Variants in AUTS2 observed in about 807,000 individuals in gnomAD.
AUTS2 encodes autism susceptibility gene 2 protein.
AUTS2 carries 17 observed loss-of-function variants against 112.4 expected under a neutral mutation model. That is an observed-to-expected ratio of 0.15 (90% CI 0.10 to 0.23). The LOEUF (loss-of-function observed/expected upper bound fraction) is 0.23, where lower values mean the gene tolerates loss of function less well. AUTS2 is among the 10% of genes least tolerant of loss of function. The pLI is 1.00. For missense variants in AUTS2, 1,510 were observed against 1,701.6 expected (o/e 0.89, Z 1.98); for synonymous variants, 751 against 702.7 (o/e 1.07, Z -1.09).
At chr7:69,634,264 C>G (rs1199423306) in intron 1 of AUTS2, among the ~76,000 whole-genome samples, 1 of 151,734 alleles carries the variant, frequency 6.6e-6, no homozygotes. Context: ...GGACTACAGG[C>G]GCCCGCCATC....
At chr7:70,650,471 C>G (rs993832470) in intron 5 of AUTS2, among the ~76,000 whole-genome samples, 5 of 152,232 alleles carry the variant, frequency 3.3e-5, no homozygotes, top group African/African-American at 1.2e-4. Flanking sequence ...ACTTAGGAAT[C>G]AGGCATGTGG....
At chr7:69,848,821 C>T (rs565235180) in intron 1 of AUTS2, among the ~76,000 whole-genome samples, 1 of 152,182 alleles carries the variant, frequency 6.6e-6, no homozygotes, top group East Asian at 1.9e-4. Flanking sequence ...TTGAGTTAGC[C>T]TACTTTATTT....
At chr7:69,696,776 T>C (rs576925356) in intron 1 of AUTS2, among the ~76,000 whole-genome samples, 1 of 152,360 alleles carries the variant, frequency 6.6e-6, no homozygotes, top group South Asian at 2.1e-4. Context: ...TTTTTTCTAG[T>C]GTCTCAGCTG....
At chr7:70,093,073 A>G (rs2129568007) in intron 2 of AUTS2, among the ~76,000 whole-genome samples, 2 of 152,288 alleles carry the variant, frequency 1.3e-5, no homozygotes, top group East Asian at 3.9e-4. Flanking sequence ...TTGTCCCTGG[A>G]GAAACAGGCA....
chr7:70,453,927 C>T (rs895410362), intron 5 of AUTS2, among the ~76,000 whole-genome samples: 3 of 152,168 alleles, frequency 2.0e-5, no homozygotes, highest in Non-Finnish European at 4.4e-5. Context: ...AGGAGACAGG[C>T]GGTCATGTGT....
At chr7:70,407,880 C>G (rs1320182358) in intron 4 of AUTS2, among the ~76,000 whole-genome samples, 1 of 151,910 alleles carries the variant, frequency 6.6e-6, no homozygotes, top group Non-Finnish European at 1.5e-5. Context: ...CGGTGAAACC[C>G]CGTCTCTACT....
intron 5 of AUTS2, among the ~76,000 whole-genome samples, chr7:70,660,497 C>G (rs1465197093): frequency 6.6e-6 from 1 of 152,176 alleles, no homozygotes; most frequent in Non-Finnish European, 1.5e-5. Context: ...ACAACAGATA[C>G]GTATTGAAGG....
At position 69,614,370 on chromosome 7, in the gene AUTS2, T is replaced by TCTTTCTTTTCTTTCTTTTC. The variant is rs1322536871; in HGVS notation, c.309+14408_309+14409insCTTTCTTTTCTTTCTTTTC. ...TTTCTTTCTTTCTTTCTTTCTTTTT[T>TCTTTCTTTTCTTTCTTTTC]TAAGAGATGGGATCTCACTCTGTTT... On this transcript the variant is annotated intron_variant, in intron 1 of 18. Coordinates refer to ENST00000342771, the MANE Select transcript of AUTS2 (RefSeq NM_015570.4). Among the ~76,000 whole-genome samples, 14 of 28,550 alleles carry TCTTTCTTTTCTTTCTTTTC rather than the reference T, an allele frequency of 4.9e-4. 2 individuals are homozygous for TCTTTCTTTTCTTTCTTTTC. Among genetic ancestry groups the TCTTTCTTTTCTTTCTTTTC allele is most frequent in the East Asian group, 3.5e-3 (2 of 576 alleles). 18.7% of individuals were successfully genotyped at this position (28,550 alleles called of 152,430 possible).
intron 5 of AUTS2, among the ~76,000 whole-genome samples, chr7:70,584,896 C>A (rs1039136406): frequency 6.6e-6 from 1 of 152,254 alleles, no homozygotes; most frequent in African/African-American, 2.4e-5. Flanking sequence ...TGGCCTCACC[C>A]AGCCAGGAGC....
intron 5 of AUTS2, among the ~76,000 whole-genome samples, chr7:70,664,263 A>G (rs1057283904): frequency 4.6e-5 from 7 of 152,200 alleles, no homozygotes; most frequent in East Asian, 3.8e-4. Context: ...TTTTGCATCA[A>G]ATGATTATGT....
chr7:70,016,731 G>A (rs900222675), intron 2 of AUTS2, among the ~76,000 whole-genome samples: 1 of 149,974 alleles, frequency 6.7e-6, no homozygotes, highest in African/African-American at 2.5e-5. Flanking sequence ...GCAGTAGCTC[G>A]ATCTCAGCTT....
intron 5 of AUTS2, among the ~76,000 whole-genome samples, chr7:70,445,690 G>A (rs892444663): frequency 3.9e-5 from 6 of 152,112 alleles, no homozygotes; most frequent in East Asian, 3.9e-4. Flanking sequence ...TACACCAGTC[G>A]GTGGACTTAG....
chr7:69,906,102 T>C (rs984333066), intron 2 of AUTS2, among the ~76,000 whole-genome samples: 1 of 152,198 alleles, frequency 6.6e-6, no homozygotes, highest in African/African-American at 2.4e-5. Context: ...ACAATGTCAG[T>C]GATTGAAGAA....
chr7:69,913,469 G>A (rs1031387159), intron 2 of AUTS2, among the ~76,000 whole-genome samples: 3 of 152,116 alleles, frequency 2.0e-5, no homozygotes, highest in Non-Finnish European at 4.4e-5. Flanking sequence ...TTGAGTTGGA[G>A]GTATACATTT....
chr7:69,614,370 T>TCTTTCTTTTCTTTTCTTTC (rs1322536871), intron 1 of AUTS2, among the ~76,000 whole-genome samples: 1 of 28,508 alleles, frequency 3.5e-5, no homozygotes, highest in South Asian at 1.1e-3. Context: ...CTTTCTTTTT[T>TCTTTCTTTTCTTTTCTTTC]TAAGAGATGG....
At chr7:69,776,339 C>G (rs191401023) in intron 1 of AUTS2, among the ~76,000 whole-genome samples, 6 of 152,276 alleles carry the variant, frequency 3.9e-5, no homozygotes, top group Admixed American at 3.9e-4. Context: ...AGAACCAGGA[C>G]TAGTAGGGGA....
chr7:70,021,131 C>A (rs967229030), intron 2 of AUTS2, among the ~76,000 whole-genome samples: 1 of 152,058 alleles, frequency 6.6e-6, no homozygotes, highest in Non-Finnish European at 1.5e-5. Flanking sequence ...TACAGGCATG[C>A]GCCACCACAC....
intron 4 of AUTS2, among the ~76,000 whole-genome samples, chr7:70,304,955 C>T (rs113944244): frequency 2.6e-5 from 4 of 152,116 alleles, no homozygotes; most frequent in Admixed American, 1.3e-4. Flanking sequence ...AAATTGTGCT[C>T]ATAGTGAAAC....
At position 70,790,513 on chromosome 7, in the gene AUTS2, C is replaced by A; in HGVS notation, c.3297C>A (p.Asp1099Glu). 6.2e-7 allele frequency: 1 copy of A among 1,611,474 alleles called. No individual in the cohort carries two copies. Among genetic ancestry groups the A allele is most frequent in the South Asian group, 1.1e-5 (1 of 90,720 alleles). ...PLGRDFLLRN[D>E]PLHRLSTPRL... ...GCAGGGACTTCCTGCTAAGGAACGA[C>A]CCGCTCCACCGGCTCTCGACTCCCC... Residue 1099 changes from aspartate (D) to glutamate (E), a missense_variant, in exon 19 of 19, where the codon GAC becomes GAA. By Grantham distance (45) the Asp-to-Glu change is conservative. Coordinates refer to ENST00000342771, the MANE Select transcript of AUTS2 (RefSeq NM_015570.4). This position sits in a 1 kb window ranked among gnomAD's most constrained non-coding sequence, Gnocchi z 7.6.
Sources: gnomAD v4.1 joint callset for allele counts (sites outside exome capture counted in the v4.1 genomes callset) on GRCh38, gnomAD v4.1.1 for gene constraint, Gnocchi (gnomAD v3.1) non-coding constraint, MANE v1.5 for transcripts, NCBI Gene and HGNC (gene_info 2026-07-23, HGNC 2026-07-21) for gene names.